The following ATG10 variants were observed in gnomAD, a reference collection of about 807,000 sequenced individuals.
ATG10 encodes the protein ubiquitin-like-conjugating enzyme ATG10.
A neutral mutation model predicts 32.1 loss-of-function variants in ATG10; 30 were observed. The ratio of observed to expected loss-of-function variants is 0.94; its 90% CI spans 0.70 to 1.27. The LOEUF (loss-of-function observed/expected upper bound fraction) is 1.27. Ranked by LOEUF, ATG10 falls within the 50% of genes most tolerant of loss-of-function variation. The pLI, the probability that ATG10 is intolerant of heterozygous loss-of-function variation, is 0.00. For missense variants in ATG10, 233 were observed against 262.3 expected (o/e 0.89, Z 0.77); for synonymous variants, 87 against 91.5 (o/e 0.95, Z 0.28).
At chr5:82,150,196 C>T (rs1767534590) in intron 3 of ATG10, among the ~76,000 whole-genome samples, 1 of 151,306 alleles carries the variant, frequency 6.6e-6, no homozygotes, top group Non-Finnish European at 1.5e-5. Context: ...TTAATGACAA[C>T]TTCTCAATTC....
At chr5:82,010,407 A>G (rs1019876415) in intron 2 of ATG10, among the ~76,000 whole-genome samples, 3 of 152,176 alleles carry the variant, frequency 2.0e-5, no homozygotes, top group Non-Finnish European at 4.4e-5. Context: ...TTGGAGTGAA[A>G]TTATGTATCT....
At chr5:82,245,005 C>A (rs1561376565) in intron 5 of ATG10, among the ~76,000 whole-genome samples, 1 of 152,196 alleles carries the variant, frequency 6.6e-6, no homozygotes, top group Non-Finnish European at 1.5e-5. Flanking sequence ...TGCATTTCCA[C>A]ACGGACATTT....
chr5:82,138,624 C>T (rs747053063), intron 3 of ATG10, among the ~76,000 whole-genome samples: 4 of 152,070 alleles, frequency 2.6e-5, no homozygotes, highest in Non-Finnish European at 4.4e-5. Context: ...CTGCCTATTG[C>T]GTTGGTCTTG....
At chr5:82,160,011 C>T (rs1365531912) in intron 3 of ATG10, among the ~76,000 whole-genome samples, 2 of 152,036 alleles carry the variant, frequency 1.3e-5, no homozygotes, top group Non-Finnish European at 2.9e-5. Context: ...ATCCACTGAC[C>T]TTATTCAGAT....
At chr5:82,092,291 A>G (rs1018267699) in intron 3 of ATG10, among the ~76,000 whole-genome samples, 1 of 152,214 alleles carries the variant, frequency 6.6e-6, no homozygotes, top group African/African-American at 2.4e-5. Context: ...AAACTGCTAA[A>G]TATACAGAAT....
At chr5:82,159,737 CTCTT>C (rs1743230439) in intron 3 of ATG10, among the ~76,000 whole-genome samples, 1 of 152,060 alleles carries the variant, frequency 6.6e-6, no homozygotes, top group Non-Finnish European at 1.5e-5. Context: ...ACATTAGACT[CTCTT>C]TATTAACATG....
chr5:82,124,224 C>T (rs1169105557), intron 3 of ATG10, among the ~76,000 whole-genome samples: 3 of 151,254 alleles, frequency 2.0e-5, no homozygotes, highest in African/African-American at 4.9e-5. Flanking sequence ...AGGATGGTCT[C>T]GATCTCCTGA....
At chr5:81,993,513 G>A (rs1053777705) in intron 2 of ATG10, among the ~76,000 whole-genome samples, 3 of 149,280 alleles carry the variant, frequency 2.0e-5, no homozygotes, top group African/African-American at 7.4e-5. Context: ...ACTGCAACCT[G>A]TGCCTCCCGG....
At chr5:82,068,686 ATATATATATATCTTATATATATATCAAG>A (rs1367949381) in intron 3 of ATG10, among the ~76,000 whole-genome samples, 10 of 147,082 alleles carry the variant, frequency 6.8e-5, no homozygotes, top group Non-Finnish European at 1.2e-4. Flanking sequence ...AAACTTAAAT[ATATATATATATCTTATATATATATCAAG>A]TATATATATA....
chr5:82,084,866 A>G (rs570343634), intron 3 of ATG10, among the ~76,000 whole-genome samples: 1 of 152,348 alleles, frequency 6.6e-6, no homozygotes, highest in African/African-American at 2.4e-5. Context: ...GGTACCAGCC[A>G]CTGCCAAAAC....
At chr5:81,993,373 CTT>C (rs1388896677) in intron 2 of ATG10, among the ~76,000 whole-genome samples, 4,058 of 35,628 alleles carry the variant, frequency 0.11, 558 homozygotes, top group African/African-American at 0.3. Context: ...CTTTTCTTTT[CTT>C]TTCTTTTCTT....
Position 82,034,960 on chromosome 5 carries a change from T to G in ATG10, c.109-23535T>G, listed in dbSNP as rs922566766. ...CTGAGATGGAGTCTCTCTCTGTCAC[T>G]TAGGCTGGAGTGCAATGGTGTGACC... On this transcript the variant is annotated intron_variant, in intron 2 of 7. Coordinates refer to ENST00000282185, the MANE Select transcript of ATG10 (RefSeq NM_031482.5). 2.6e-5 allele frequency among the ~76,000 whole-genome samples: 4 copies of G among 152,106 alleles called. No individual in the cohort carries two copies. The South Asian group carries it at 8.3e-4, about 32-fold the overall frequency.
intron 2 of ATG10, among the ~76,000 whole-genome samples, chr5:82,056,429 G>GTTTTT (rs375167558): frequency 8.0e-5 from 10 of 125,396 alleles, no homozygotes; most frequent in East Asian, 2.2e-4. Flanking sequence ...TGGCTGCCAG[G>GTTTTT]TTTTTTTTTT....
At chr5:82,080,874 G>A (rs148196920) in intron 3 of ATG10, among the ~76,000 whole-genome samples, 12 of 152,050 alleles carry the variant, frequency 7.9e-5, no homozygotes, top group African/African-American at 2.4e-4. Flanking sequence ...TGAACTTTAA[G>A]GTAGTTTTTT....
chr5:82,148,969 C>A (rs1343825047), intron 3 of ATG10, among the ~76,000 whole-genome samples: 2 of 151,934 alleles, frequency 1.3e-5, no homozygotes, highest in South Asian at 4.2e-4. Context: ...ATCTTCTTTC[C>A]CTATTAGAAA....
intron 3 of ATG10, among the ~76,000 whole-genome samples, chr5:82,133,286 G>A (rs1766614014): frequency 6.6e-6 from 1 of 152,022 alleles, no homozygotes; most frequent in Non-Finnish European, 1.5e-5. Context: ...ATTGCTTTTG[G>A]TGTTTTAGTC....
chr5:82,016,269 A>G lies in ATG10; in HGVS notation c.108+28591A>G, dbSNP rs537664341. On this transcript the variant is annotated intron_variant, in intron 2 of 7. Transcript: ENST00000282185. ...TTGATTTTTGTATAAGGTGAGAGAG[A>G]GGCGAGGATCCACTTTGATTCTTTT... Among the ~76,000 whole-genome samples, 3 of 152,244 alleles carry G rather than the reference A, an allele frequency of 2.0e-5. No homozygotes were observed. The South Asian group carries it at 6.2e-4, about 32-fold the overall frequency.
chr5:82,191,914 C>T (rs973623932), intron 5 of ATG10, among the ~76,000 whole-genome samples: 2 of 152,192 alleles, frequency 1.3e-5, no homozygotes, highest in African/African-American at 4.8e-5. Context: ...TGCCCTTCTT[C>T]TCTCATGCCC....
intron 2 of ATG10, among the ~76,000 whole-genome samples, chr5:82,037,508 A>G (rs1269322972): frequency 2.6e-5 from 4 of 151,288 alleles, no homozygotes; most frequent in African/African-American, 9.7e-5. Flanking sequence ...CGGCCTCCCA[A>G]AGTGCTGGGA....
Sources: allele counts gnomAD v4.1 joint callset (sites outside exome capture counted in the v4.1 genomes callset), GRCh38; gene constraint gnomAD v4.1.1; transcripts MANE v1.5; gene names NCBI Gene and HGNC (gene_info 2026-07-23, HGNC 2026-07-21).